The following ADCY2 variants were observed in gnomAD, a reference collection of about 807,000 sequenced individuals.
ADCY2 encodes the protein adenylate cyclase 2, also known as adenylate cyclase type 2.
ADCY2 carries 31 observed loss-of-function variants against 125.2 expected under a neutral mutation model. The ratio of observed to expected loss-of-function variants is 0.25; its 90% CI spans 0.19 to 0.33. The LOEUF is 0.33. Among genes scored for constraint, ADCY2 ranks in the 10% least tolerant of loss-of-function variants. The probability of loss-of-function intolerance (pLI) is 1.00; values close to 1 mark genes in which losing one functional copy is unlikely to be tolerated. For synonymous variants in ADCY2, 512 were observed against 548.4 expected (o/e 0.93, Z 0.93); for missense variants, 904 against 1,418.2 (o/e 0.64, Z 5.82).
Position 7,829,909 on chromosome 5 carries a change from T to C in ADCY2, c.*3038T>C, listed in dbSNP as rs897730826. On this transcript the variant is annotated 3_prime_UTR_variant, in exon 25 of 25. Transcript: ENST00000338316. ...CCTGGGCAACATAGCAAGACCCCCA[T>C]CTCTGCAAAAAAATAAGAAAATTAG... 1.3e-5 allele frequency: 2 copies of C among 151,802 alleles called. No individual in the cohort carries two copies. The highest frequency in any genetic ancestry group is 2.9e-5 in the Non-Finnish European group (2 of 68,018). 9.4% of individuals were successfully genotyped at this position (151,802 alleles called of 1,614,324 possible). A position where few individuals can be genotyped will look rare whatever the true frequency, so the allele number is the denominator to read the frequency against.
In ADCY2 at chr5:7,743,710, G is replaced by T; in HGVS notation, c.1914G>T (p.Leu638Phe). ...TCTCCTTTGGGGCTGCGTTTCTCTT[G>T]CTGGCCTTCATCCTCTTCGTCTGCT... is the stretch of plus-strand genomic sequence containing the variant. ...LGISFGAAFL[L>F]LAFILFVCFA... Residue 638 changes from leucine to phenylalanine, a missense_variant, in exon 15 of 25, where the codon TTG (leucine) becomes TTT (phenylalanine). Physicochemically the swap from Leu to Phe is conservative, Grantham distance 22 (BLOSUM62 0). Around this residue, in one of 7 missense-constraint regions of ADCY2, gnomAD observed 221 missense variants for 246.2 expected, o/e 0.90. Transcript: ENST00000338316. The T allele has an allele frequency of 1.2e-6, 2 of 1,614,106 alleles. No homozygotes were observed. Among genetic ancestry groups the T allele is most frequent in the Non-Finnish European group, 1.7e-6 (2 of 1,179,996 alleles).
Position 7,709,995 on chromosome 5 carries a change from A to ATC in ADCY2, c.1578+609_1578+610insCT, listed in dbSNP as rs1444922105. On this transcript the variant is annotated intron_variant, in intron 10 of 24. Transcript: ENST00000338316. This position sits in a 1 kb window ranked among gnomAD's most constrained non-coding sequence, Gnocchi z 4.4. ...AAGCACTTAGGATAATCCCCATAGT[A>ATC]TTTTTAGATTTTAAAACTATCTGGG... Among the ~76,000 whole-genome samples the ATC allele has an allele frequency of 6.6e-6, 1 of 152,232 alleles. No homozygotes were observed. Among genetic ancestry groups the ATC allele is most frequent in the African/African-American group, 2.4e-5 (1 of 41,466 alleles).
At chr5:7,426,559 C>A (rs1740395755) in intron 2 of ADCY2, among the ~76,000 whole-genome samples, 1 of 152,202 alleles carries the variant, frequency 6.6e-6, no homozygotes, top group African/African-American at 2.4e-5. Flanking sequence ...CTCCTAAAGG[C>A]CCCACCTCTT....
At chr5:7,686,866 T>A (rs902805950) in intron 4 of ADCY2, among the ~76,000 whole-genome samples, 3 of 152,000 alleles carry the variant, frequency 2.0e-5, no homozygotes, top group Non-Finnish European at 4.4e-5. Flanking sequence ...AAAGAAGGAG[T>A]CTTGCTTCAC....
intron 2 of ADCY2, among the ~76,000 whole-genome samples, chr5:7,476,573 C>G (rs189452434): frequency 6.6e-6 from 1 of 152,262 alleles, no homozygotes; most frequent in Non-Finnish European, 1.5e-5. Flanking sequence ...CAGGAACTGT[C>G]TCAGTGTAAG....
chr5:7,718,927 C>T (rs1185363228), intron 12 of ADCY2, among the ~76,000 whole-genome samples: 11 of 152,096 alleles, frequency 7.2e-5, no homozygotes, highest in African/African-American at 2.7e-4. Context: ...CTGTGTGACT[C>T]GCCAGAATAA....
chr5:7,600,505 G>A (rs777537873), intron 3 of ADCY2, among the ~76,000 whole-genome samples: 3 of 152,224 alleles, frequency 2.0e-5, no homozygotes, highest in Non-Finnish European at 4.4e-5. Context: ...AGGGGAGACT[G>A]GAGAGGGTCT....
chr5:7,661,936 A>G (rs1739549983), intron 4 of ADCY2, among the ~76,000 whole-genome samples: 1 of 152,222 alleles, frequency 6.6e-6, no homozygotes, highest in African/African-American at 2.4e-5. Context: ...CACAGATGAT[A>G]TCTCCATAGC....
intron 2 of ADCY2, among the ~76,000 whole-genome samples, chr5:7,447,126 T>G (rs1741292671): frequency 6.6e-6 from 1 of 152,308 alleles, no homozygotes; most frequent in East Asian, 1.9e-4. Flanking sequence ...GTACAAGGGC[T>G]GAAGTTAAAT....
chr5:7,720,912 A>G (rs1246649055), intron 12 of ADCY2, among the ~76,000 whole-genome samples: 1 of 152,264 alleles, frequency 6.6e-6, no homozygotes, highest in African/African-American at 2.4e-5. Context: ...GTATATACCC[A>G]GTAATGGGAT....
chr5:7,434,799 T>C (rs968667855), intron 2 of ADCY2, among the ~76,000 whole-genome samples: 1 of 152,314 alleles, frequency 6.6e-6, no homozygotes, highest in Non-Finnish European at 1.5e-5. Flanking sequence ...GTCTCCCACA[T>C]TGTGGTTATA....
intron 20 of ADCY2, chr5:7,794,829 C>T (rs1484319556): frequency 6.6e-6 from 1 of 152,162 alleles, no homozygotes; most frequent in African/African-American, 2.4e-5. Flanking sequence ...TGGCCTTGCA[C>T]AGCTGAATGA....
At chr5:7,400,208 C>T (rs146775300) in intron 1 of ADCY2, among the ~76,000 whole-genome samples, 2 of 152,010 alleles carry the variant, frequency 1.3e-5, no homozygotes, top group African/African-American at 4.8e-5. Flanking sequence ...AAATTTTATT[C>T]CATAATTTTA....
intron 2 of ADCY2, among the ~76,000 whole-genome samples, chr5:7,472,450 C>A (rs1742376276): frequency 6.6e-6 from 1 of 151,876 alleles, no homozygotes; most frequent in African/African-American, 2.4e-5. Context: ...ATATATTAAT[C>A]ATAGACATTT....
intron 3 of ADCY2, among the ~76,000 whole-genome samples, chr5:7,577,829 TTG>T (rs1186827447): frequency 6.6e-6 from 1 of 152,130 alleles, no homozygotes; most frequent in Non-Finnish European, 1.5e-5. Flanking sequence ...AGAAAAATGT[TTG>T]GTTAAAAGCA....
chr5:7,662,096 G>A (rs185950072), intron 4 of ADCY2, among the ~76,000 whole-genome samples: 1 of 152,262 alleles, frequency 6.6e-6, no homozygotes, highest in East Asian at 1.9e-4. Flanking sequence ...ACCACGCATA[G>A]CCTCCTCACT....
At chr5:7,502,593 G>T (rs1210422634) in intron 2 of ADCY2, among the ~76,000 whole-genome samples, 2 of 152,210 alleles carry the variant, frequency 1.3e-5, no homozygotes, top group African/African-American at 4.8e-5. Context: ...AAGGAAAAAG[G>T]AAATTAAGTT....
chr5:7,585,098 C>G (rs1317993105), intron 3 of ADCY2, among the ~76,000 whole-genome samples: 2 of 152,162 alleles, frequency 1.3e-5, no homozygotes, highest in African/African-American at 2.4e-5. Context: ...ATTTCACCAT[C>G]ATTAACTATA....
At chr5:7,495,150 T>G (rs1743301892) in intron 2 of ADCY2, among the ~76,000 whole-genome samples, 1 of 152,246 alleles carries the variant, frequency 6.6e-6, no homozygotes, top group Admixed American at 6.5e-5. Context: ...CTATAAGCCA[T>G]GTTTAGGTGC....
Sources: gnomAD v4.1 joint callset for allele counts (sites outside exome capture counted in the v4.1 genomes callset) on GRCh38, gnomAD v4.1.1 for gene constraint, gnomAD v4.1.1 regional missense constraint, Gnocchi (gnomAD v3.1) non-coding constraint, MANE v1.5 for transcripts, NCBI Gene and HGNC (gene_info 2026-07-23, HGNC 2026-07-21) for gene names.